Variants in NFIB observed in about 807,000 individuals in gnomAD.
The protein encoded by NFIB is nuclear factor I B.
Under a neutral mutation model 61.5 loss-of-function variants are expected in NFIB, and 11 were observed. The observed-to-expected ratio is 0.18, with a 90% confidence interval of 0.11 to 0.30. NFIB has a LOEUF of 0.30. NFIB is among the 10% of genes least tolerant of loss of function. The pLI is 1.00. For synonymous variants in NFIB, 260 were observed against 216.5 expected (o/e 1.20, Z -1.76); for missense variants, 471 against 608.9 (o/e 0.77, Z 2.38).
chr9:14,182,646 A>G (rs2046901926), intron 2 of NFIB, among the ~76,000 whole-genome samples: 1 of 146,542 alleles, frequency 6.8e-6, no homozygotes, highest in South Asian at 2.1e-4. Context: ...CAAAGGTTTT[A>G]TTTAACCACT....
At chr9:14,278,347 C>T (rs1319359315) in intron 2 of NFIB, among the ~76,000 whole-genome samples, 6 of 152,158 alleles carry the variant, frequency 3.9e-5, no homozygotes, top group South Asian at 4.1e-4. Flanking sequence ...TTGAGTCGTG[C>T]GAAGCTACAG....
intron 2 of NFIB, among the ~76,000 whole-genome samples, chr9:14,195,826 G>C (rs963179642): frequency 1.3e-5 from 2 of 151,976 alleles, no homozygotes; most frequent in Non-Finnish European, 2.9e-5. Flanking sequence ...TGCAAACATA[G>C]ACAAAGGAAT....
At chr9:14,170,663 G>T (rs2045469402) in intron 3 of NFIB, among the ~76,000 whole-genome samples, 1 of 152,056 alleles carries the variant, frequency 6.6e-6, no homozygotes. Flanking sequence ...AGTTACATGA[G>T]ATACTTGGGT....
At chr9:14,278,828 C>A (rs2058177905) in intron 2 of NFIB, among the ~76,000 whole-genome samples, 1 of 152,080 alleles carries the variant, frequency 6.6e-6, no homozygotes, top group South Asian at 2.1e-4. Flanking sequence ...ACTGTATTTT[C>A]CAGCAGTAGA....
intron 2 of NFIB, among the ~76,000 whole-genome samples, chr9:14,228,062 T>C (rs1366993329): frequency 1.3e-5 from 2 of 152,200 alleles, no homozygotes; most frequent in African/African-American, 4.8e-5. Context: ...TTTTCTATCT[T>C]TTGAAGACAT....
chr9:14,475,167 G>A, the NFIB span, among the ~76,000 whole-genome samples: 1 of 152,174 alleles, frequency 6.6e-6, no homozygotes, highest in Admixed American at 6.5e-5. Context: ...ATAAAATCTT[G>A]TGAAGATACT....
intron 1 of NFIB, among the ~76,000 whole-genome samples, chr9:14,372,271 T>A (rs2061366933): frequency 6.6e-6 from 1 of 152,192 alleles, no homozygotes. Context: ...TGAGTTTGAT[T>A]TCCTGGTACT....
chr9:14,502,443 T>A, the NFIB span, among the ~76,000 whole-genome samples: 2 of 152,050 alleles, frequency 1.3e-5, no homozygotes. Context: ...GGCCAAATAA[T>A]CTCCAGGGAC....
intron 2 of NFIB, among the ~76,000 whole-genome samples, chr9:14,277,438 CA>C (rs1286871279): frequency 1.3e-5 from 2 of 152,108 alleles, no homozygotes; most frequent in African/African-American, 4.8e-5. Context: ...GGTGTTTTGC[CA>C]AATTATGTGC....
intron 7 of NFIB, among the ~76,000 whole-genome samples, chr9:14,122,036 A>T (rs568265725): frequency 4.8e-4 from 73 of 152,254 alleles, no homozygotes; most frequent in African/African-American, 1.4e-3. Context: ...ATATTTCCCA[A>T]TTCAAATAAT....
chr9:14,177,544 A>G (rs2046321646), intron 3 of NFIB, among the ~76,000 whole-genome samples: 1 of 152,134 alleles, frequency 6.6e-6, no homozygotes. Flanking sequence ...GGCATATTAA[A>G]GTCAATATTT....
intron 2 of NFIB, among the ~76,000 whole-genome samples, chr9:14,296,548 G>A (rs1219491203): frequency 6.6e-6 from 1 of 152,186 alleles, no homozygotes; most frequent in East Asian, 1.9e-4. Context: ...CATGAGATTG[G>A]AGCTTTCATA....
At chr9:14,344,288 G>A (rs973487595) in intron 1 of NFIB, among the ~76,000 whole-genome samples, 1 of 151,984 alleles carries the variant, frequency 6.6e-6, no homozygotes, top group South Asian at 2.1e-4. Context: ...GGGGTGATGG[G>A]GGTGCGAGAG....
intron 2 of NFIB, among the ~76,000 whole-genome samples, chr9:14,192,795 T>C (rs780506328): frequency 1.3e-5 from 2 of 152,138 alleles, no homozygotes; most frequent in African/African-American, 4.8e-5. Flanking sequence ...CATTCAGCTT[T>C]TCATCTATTC....
In NFIB at chr9:14,392,556, T is replaced by C. The variant is rs192478716; in HGVS notation, c.108+5968A>G. On this transcript the variant is annotated intron_variant, in intron 1 of 8. Coordinates refer to the NFIB transcript ENST00000380934. ...CGACCTGGGCAACATGGTGAAACCCTATCTCTACAAAAAGTACAAAAATTA... is the reference window on the plus strand; with the variant it reads ...CGACCTGGGCAACATGGTGAAACCCCATCTCTACAAAAAGTACAAAAATTA... Among the ~76,000 whole-genome samples, 370 of 152,182 alleles carry C rather than the reference T, an allele frequency of 2.4e-3. 5 individuals are homozygous for C. The highest frequency in any genetic ancestry group is 8.2e-3 in the African/African-American group (342 of 41,540).
At chr9:14,254,838 AG>A (rs1392668503) in intron 2 of NFIB, among the ~76,000 whole-genome samples, 1 of 152,206 alleles carries the variant, frequency 6.6e-6, no homozygotes, top group Non-Finnish European at 1.5e-5. Context: ...TGCATTTACA[AG>A]CAAGGTCTAG....
the NFIB span, among the ~76,000 whole-genome samples, chr9:14,479,204 T>C: frequency 2.6e-5 from 4 of 152,152 alleles, no homozygotes; most frequent in East Asian, 7.7e-4. Context: ...TTACAGACAA[T>C]CACTGAGGAA....
chr9:14,511,955 G>A, the NFIB span, among the ~76,000 whole-genome samples: 3 of 152,116 alleles, frequency 2.0e-5, no homozygotes, highest in East Asian at 3.8e-4. Flanking sequence ...GTTAATTGTG[G>A]CAAACCGATA....
intron 3 of NFIB, among the ~76,000 whole-genome samples, chr9:14,159,862 G>T (rs116718970): frequency 7.2e-5 from 11 of 152,064 alleles, no homozygotes; most frequent in African/African-American, 2.7e-4. Flanking sequence ...AAGGTCCTTG[G>T]GCCTTTCAGG....
Sources: allele counts gnomAD v4.1 joint callset (sites outside exome capture counted in the v4.1 genomes callset), GRCh38; gene constraint gnomAD v4.1.1; transcripts MANE v1.5; gene names NCBI Gene and HGNC (gene_info 2026-07-23, HGNC 2026-07-21).